The following GRM8 variants were observed in gnomAD, a reference collection of about 807,000 sequenced individuals.
GRM8 encodes the protein glutamate metabotropic receptor 8, also known as metabotropic glutamate receptor 8.
A neutral mutation model predicts 87.2 loss-of-function variants in GRM8; 47 were observed. That is an observed-to-expected ratio of 0.54 (90% CI 0.43 to 0.69). GRM8 has a LOEUF of 0.69. GRM8 is among the 30% of genes least tolerant of loss of function. The pLI, the probability that GRM8 is intolerant of heterozygous loss-of-function variation, is 0.00. For missense variants in GRM8, 1,019 were observed against 1,139.2 expected, an observed-to-expected ratio of 0.89 and a Z score of 1.52; for synonymous variants, 396 against 404.5, an observed-to-expected ratio of 0.98 and a Z score of 0.25.
intron 2 of GRM8, among the ~76,000 whole-genome samples, chr7:127,158,943 G>A (rs1390566700): frequency 6.6e-6 from 1 of 152,152 alleles, no homozygotes; most frequent in African/African-American, 2.4e-5. Flanking sequence ...AACTTAAGTT[G>A]GAGTGACAGC....
At chr7:126,712,004 G>A (rs1376440300) in intron 7 of GRM8, among the ~76,000 whole-genome samples, 2 of 152,202 alleles carry the variant, frequency 1.3e-5, no homozygotes, top group Non-Finnish European at 2.9e-5. Context: ...GTTCACTGGA[G>A]TAGCACTTTT....
intron 7 of GRM8, among the ~76,000 whole-genome samples, chr7:126,614,183 C>T (rs2151115146): frequency 6.6e-6 from 1 of 152,262 alleles, no homozygotes; most frequent in Non-Finnish European, 1.5e-5. Context: ...ACGAAACTTC[C>T]AGAGGAACGG....
At chr7:126,989,966 G>A (rs551919747) in intron 3 of GRM8, among the ~76,000 whole-genome samples, 1 of 151,920 alleles carries the variant, frequency 6.6e-6, no homozygotes, top group African/African-American at 2.4e-5. Flanking sequence ...AAAAATGGGG[G>A]ATAGGAAGGC....
chr7:127,071,337 CTAGAG>C (rs112976534), intron 3 of GRM8, among the ~76,000 whole-genome samples: 187 of 152,226 alleles, frequency 1.2e-3, no homozygotes, highest in Admixed American at 4.6e-3. Flanking sequence ...ATTTGATATC[CTAGAG>C]TATTCAGCAG....
intron 3 of GRM8, among the ~76,000 whole-genome samples, chr7:126,906,025 A>G (rs910170993): frequency 1.3e-5 from 2 of 152,198 alleles, no homozygotes; most frequent in African/African-American, 4.8e-5. Context: ...CTGAGTGTTC[A>G]TATGTTAAAA....
chr7:126,572,432 C>T (rs1189674685), intron 8 of GRM8, among the ~76,000 whole-genome samples: 2 of 152,268 alleles, frequency 1.3e-5, no homozygotes, highest in African/African-American at 4.8e-5. Flanking sequence ...TGACAACATC[C>T]GATGGCTGCT....
At chr7:126,647,293 GGATAGATAGATAGATAGATAGATAGATA>G (rs58263801) in intron 7 of GRM8, among the ~76,000 whole-genome samples, 41 of 143,180 alleles carry the variant, frequency 2.9e-4, no homozygotes, top group East Asian at 4.1e-4. Flanking sequence ...ATAAATAGAT[GGATAGATAGATAGATAGATAGATAGATA>G]GATAGATAGA....
chr7:127,036,777 A>G (rs1817890071), intron 3 of GRM8, among the ~76,000 whole-genome samples: 1 of 152,134 alleles, frequency 6.6e-6, no homozygotes, highest in African/African-American at 2.4e-5. Flanking sequence ...TGGTTTTAGT[A>G]CTAAGGACAG....
chr7:126,945,719 G>T (rs759069231), intron 3 of GRM8, among the ~76,000 whole-genome samples: 2 of 152,156 alleles, frequency 1.3e-5, no homozygotes, highest in Non-Finnish European at 2.9e-5. Flanking sequence ...AGGCATTTCA[G>T]ATAAGGGATA....
chr7:126,662,919 T>G (rs1805360428), intron 7 of GRM8, among the ~76,000 whole-genome samples: 1 of 152,188 alleles, frequency 6.6e-6, no homozygotes, highest in Non-Finnish European at 1.5e-5. Flanking sequence ...AATACTGGCA[T>G]GAAGCCAGGC....
At chr7:126,596,749 G>C (rs979095620) in intron 8 of GRM8, among the ~76,000 whole-genome samples, 1 of 152,030 alleles carries the variant, frequency 6.6e-6, no homozygotes, top group African/African-American at 2.4e-5. Context: ...CACACACAGA[G>C]GAATACAAGT....
At chr7:126,587,466 G>A (rs1186658023) in intron 8 of GRM8, among the ~76,000 whole-genome samples, 5 of 152,092 alleles carry the variant, frequency 3.3e-5, no homozygotes, top group Admixed American at 6.5e-5. Context: ...AGAAAATGTG[G>A]CACATATACA....
At chr7:126,851,009 GC>G (rs1467605615) in intron 6 of GRM8, among the ~76,000 whole-genome samples, 1 of 152,010 alleles carries the variant, frequency 6.6e-6, no homozygotes, top group Non-Finnish European at 1.5e-5. Flanking sequence ...GGCCATGACA[GC>G]CAAAAAGTCT....
chr7:127,128,122 G>T (rs1002079422), intron 2 of GRM8, among the ~76,000 whole-genome samples: 6 of 151,850 alleles, frequency 4.0e-5, no homozygotes, highest in African/African-American at 1.5e-4. Flanking sequence ...AAAGATAAAG[G>T]GTCTTAAAAA....
At chr7:127,219,359 A>G (rs749535831) in intron 2 of GRM8, 12 of 152,238 alleles carry the variant, frequency 7.9e-5, no homozygotes, top group Non-Finnish European at 1.2e-4. Flanking sequence ...TCCATAGGTC[A>G]TATTTTTACT....
intron 3 of GRM8, among the ~76,000 whole-genome samples, chr7:127,011,435 T>C (rs1786855895): frequency 6.6e-6 from 1 of 152,286 alleles, no homozygotes; most frequent in Admixed American, 6.5e-5. Flanking sequence ...TTTTACTAAA[T>C]TTATACATCT....
intron 8 of GRM8, among the ~76,000 whole-genome samples, chr7:126,591,476 A>T (rs1796659791): frequency 1.3e-5 from 2 of 152,142 alleles, no homozygotes; most frequent in Non-Finnish European, 2.9e-5. Flanking sequence ...TCATCAAGAC[A>T]GAAAGTCAAC....
chr7:126,778,413 G>C (rs189345663), intron 6 of GRM8, among the ~76,000 whole-genome samples: 6 of 152,022 alleles, frequency 3.9e-5, no homozygotes, highest in African/African-American at 1.4e-4. Context: ...CTAGAGTTTC[G>C]AAAACACTGA....
intron 2 of GRM8, among the ~76,000 whole-genome samples, chr7:127,189,708 A>C (rs956595449): frequency 2.0e-5 from 3 of 152,204 alleles, no homozygotes; most frequent in Admixed American, 6.5e-5. Context: ...CAAAGCCTGC[A>C]TCTCTGTCTG....
Sources: gnomAD v4.1 joint callset for allele counts (sites outside exome capture counted in the v4.1 genomes callset) on GRCh38, gnomAD v4.1.1 for gene constraint, MANE v1.5 for transcripts, NCBI Gene and HGNC (gene_info 2026-07-23, HGNC 2026-07-21) for gene names.